The following FAM228B variants were observed in gnomAD, a reference collection of about 807,000 sequenced individuals.
FAM228B encodes protein FAM228B.
A neutral mutation model predicts 42.6 loss-of-function variants in FAM228B; 38 were observed. The observed-to-expected ratio is 0.89, with a 90% CI of 0.69 to 1.17. FAM228B has a LOEUF of 1.17. Ranked by LOEUF, FAM228B falls within the 50% of genes most tolerant of loss-of-function variation. The pLI, the probability that FAM228B is intolerant of heterozygous loss-of-function variation, is 0.00. For missense variants in FAM228B, 344 were observed against 367.3 expected, an observed-to-expected ratio of 0.94 and a Z score of 0.52; for synonymous variants, 109 against 122.3, an observed-to-expected ratio of 0.89 and a Z score of 0.72.
chr2:24,135,277 A>C, intron 3 of FAM228B, 90 bp downstream of exon 3: 3 of 720,966 alleles, frequency 4.2e-6, no homozygotes, highest in Non-Finnish European at 6.7e-6. Flanking sequence ...AACTATTTAG[A>C]AAATATGGAA....
chr2:24,103,263 G>A (rs1248669506), intron 3 of FAM228B, among the ~76,000 whole-genome samples: 1 of 152,196 alleles, frequency 6.6e-6, no homozygotes, highest in Non-Finnish European at 1.5e-5. Context: ...TGGGGAGGGA[G>A]GCCAGAAAGT....
At chr2:24,156,368 C>T (rs752984625) in intron 7 of FAM228B, among the ~76,000 whole-genome samples, 1 of 152,142 alleles carries the variant, frequency 6.6e-6, no homozygotes. Flanking sequence ...CGTGGTGGCT[C>T]ACACCTGTAA....
At chr2:24,091,059 A>G (rs910283325) in intron 2 of FAM228B, among the ~76,000 whole-genome samples, 2 of 151,848 alleles carry the variant, frequency 1.3e-5, no homozygotes, top group African/African-American at 4.8e-5. Flanking sequence ...AGTCAATACA[A>G]TAAGATAAAA....
chr2:24,118,423 G>A (rs1303960463), intron 3 of FAM228B, among the ~76,000 whole-genome samples: 1 of 152,176 alleles, frequency 6.6e-6, no homozygotes, highest in African/African-American at 2.4e-5. Flanking sequence ...GACTCTGCTA[G>A]GCCGAAGTAA....
In FAM228B at chr2:24,143,523, A is replaced by T. The variant is rs144898949; in HGVS notation, c.442-3225A>T. Among the ~76,000 whole-genome samples the T allele has an allele frequency of 3.1e-3, 472 of 152,300 alleles. 1 individual carries two copies. The highest frequency in any genetic ancestry group is 5.3e-3 in the Non-Finnish European group (360 of 68,014). The stretch of plus-strand genomic sequence containing the variant: ...CTACTTTTTTCAATTACGTATCTCT[A>T]TATGGATTTTCTTCATATATGACAA... On this transcript the variant is annotated intron_variant, in intron 5 of 10. Transcript: ENST00000615575.
chr2:24,087,885 C>T (rs35853722), intron 2 of FAM228B, among the ~76,000 whole-genome samples: 18,023 of 151,330 alleles, frequency 0.12, 1,250 homozygotes, highest in South Asian at 0.18. Flanking sequence ...CACGCTGCCA[C>T]GCCCAGCTAA....
intron 2 of FAM228B, among the ~76,000 whole-genome samples, chr2:24,086,845 C>T (rs1388287235): frequency 6.6e-6 from 1 of 152,008 alleles, no homozygotes; most frequent in African/African-American, 2.4e-5. Flanking sequence ...TGTCCAAAAT[C>T]GAGGAAAGGT....
chr2:24,120,603 C>T (rs575596507), upstream of FAM228B, among the ~76,000 whole-genome samples: 4 of 152,038 alleles, frequency 2.6e-5, no homozygotes, highest in East Asian at 3.9e-4. Flanking sequence ...TTGCCCAAGC[C>T]GGAGTGCAAT....
chr2:24,087,835 G>A (rs1367916860), intron 2 of FAM228B, among the ~76,000 whole-genome samples: 4 of 142,346 alleles, frequency 2.8e-5, no homozygotes, highest in East Asian at 2.0e-4. Context: ...AGGCGATCTC[G>A]GCTCCCTGCA....
intron 7 of FAM228B, among the ~76,000 whole-genome samples, chr2:24,160,862 T>C (rs1469488234): frequency 1.3e-5 from 2 of 152,226 alleles, no homozygotes; most frequent in Non-Finnish European, 2.9e-5. Flanking sequence ...GGATTCTCTC[T>C]AGGGAAAAGC....
chr2:24,079,449 T>C lies in FAM228B; in HGVS notation c.-289-1427T>C, dbSNP rs1410693189. ...TCTTTTCATTCATCACTCACCTTAT[T>C]GTCCCTAGACCTCAGCAAACTGGTG... On this transcript the variant is annotated intron_variant, in intron 1 of 10. Coordinates refer to the FAM228B transcript ENST00000613899. The C allele has an allele frequency of 5.6e-6, 9 of 1,613,794 alleles. No individual in the cohort carries two copies. Among genetic ancestry groups the C allele is most frequent in the Non-Finnish European group, 7.6e-6 (9 of 1,179,826 alleles).
At chr2:24,099,669 A>G (rs1315687900) in intron 3 of FAM228B, among the ~76,000 whole-genome samples, 4 of 152,246 alleles carry the variant, frequency 2.6e-5, no homozygotes, top group Non-Finnish European at 4.4e-5. Flanking sequence ...GGAAGAATCA[A>G]TATCATGAAA....
At chr2:24,144,468 C>T (rs1334293058) in intron 5 of FAM228B, among the ~76,000 whole-genome samples, 1 of 152,130 alleles carries the variant, frequency 6.6e-6, no homozygotes, top group African/African-American at 2.4e-5. Flanking sequence ...ACATTTACCT[C>T]CTCCACAGAA....
intron 1 of FAM228B, chr2:24,079,555 C>T (rs1167946842): frequency 6.2e-7 from 1 of 1,614,060 alleles, no homozygotes; most frequent in Admixed American, 1.7e-5. Context: ...CATAGAGAAC[C>T]CATCGACCAT....
chr2:24,127,749 G>A (rs1003162272), intron 2 of FAM228B, among the ~76,000 whole-genome samples: 7 of 151,274 alleles, frequency 4.6e-5, no homozygotes, highest in Admixed American at 1.3e-4. Flanking sequence ...TCCAACCTCC[G>A]CCTCCCGGGT....
At chr2:24,113,753 T>C (rs940081939) in intron 3 of FAM228B, among the ~76,000 whole-genome samples, 2 of 152,094 alleles carry the variant, frequency 1.3e-5, no homozygotes, top group African/African-American at 4.8e-5. Context: ...AGTGGGTGCC[T>C]GTAATCCCAG....
Position 24,147,013 on chromosome 2 carries a change from C to T in FAM228B, c.613C>T (p.His205Tyr). Residue 205 changes from histidine to tyrosine, a missense_variant, in exon 7 of 11, where the codon CAC (histidine) becomes TAC (tyrosine). Coordinates refer to ENST00000615575, the MANE Select transcript of FAM228B (RefSeq NM_001145710.2). Reference protein sequence around the residue: ...SRFPQISNSRHFITPNEWLKL... With the variant: ...SRFPQISNSRYFITPNEWLKL... ...ATTCCCACAAATTTCTAATTCAAGG[C>T]ACTTTATAACTCCAAACGAGTGGCT... The T allele has an allele frequency of 3.9e-6, 6 of 1,551,132 alleles. No homozygotes were observed. Among genetic ancestry groups the T allele is most frequent in the Non-Finnish European group, 5.2e-6 (6 of 1,146,612 alleles).
intron 3 of FAM228B, among the ~76,000 whole-genome samples, chr2:24,114,292 C>G (rs1475309790): frequency 6.6e-6 from 1 of 152,168 alleles, no homozygotes; most frequent in African/African-American, 2.4e-5. Context: ...GTTTCCCAAT[C>G]TCCTGAGATC....
chr2:24,088,868 T>C (rs1665320873), intron 2 of FAM228B, among the ~76,000 whole-genome samples: 1 of 152,114 alleles, frequency 6.6e-6, no homozygotes, highest in Non-Finnish European at 1.5e-5. Flanking sequence ...TGACACTAAC[T>C]CCAGGTAGAG....
Sources: allele counts gnomAD v4.1 joint callset (sites outside exome capture counted in the v4.1 genomes callset), GRCh38; gene constraint gnomAD v4.1.1; transcripts MANE v1.5; gene names NCBI Gene and HGNC (gene_info 2026-07-23, HGNC 2026-07-21).